Variants in ZNF578 observed in about 807,000 individuals in gnomAD.
ZNF578 encodes zinc finger protein 578, also known as Putative chemokine-related protein B42.
A neutral mutation model predicts 8.3 loss-of-function variants in ZNF578; 8 were observed. The observed-to-expected ratio is 0.96, with a 90% CI of 0.56 to 1.74. The LOEUF is 1.74. Among genes scored for constraint, ZNF578 ranks in the 40% most tolerant of loss-of-function variants. The pLI, the probability that ZNF578 is intolerant of heterozygous loss-of-function variation, is 0.00. For synonymous variants in ZNF578, 206 were observed against 232.2 expected (o/e 0.89, Z 1.03); for missense variants, 726 against 707.5 (o/e 1.03, Z -0.30).
chr19:52,492,321 T>C (rs11084168), intron 3 of ZNF578, among the ~76,000 whole-genome samples: 46,675 of 151,938 alleles, frequency 0.31, 7,218 homozygotes, highest in East Asian at 0.43. Context: ...GGCTTCCGCC[T>C]CGTGCCCGCA....
intron 2 of ZNF578, among the ~76,000 whole-genome samples, chr19:52,477,742 GT>G (rs2059312681): frequency 1.3e-5 from 2 of 152,086 alleles, no homozygotes; most frequent in African/African-American, 4.8e-5. Flanking sequence ...AATTTCCCAA[GT>G]TTTTGTACAT....
At chr19:52,501,698 A>T in intron 3 of ZNF578, 129 bp from the exon 4 acceptor site, 7 of 882,984 alleles carry the variant, frequency 7.9e-6, no homozygotes, top group Non-Finnish European at 1.2e-5. Context: ...TGTCTGCATG[A>T]TCTCTGGTGC....
intron 2 of ZNF578, among the ~76,000 whole-genome samples, chr19:52,487,086 A>G (rs1171450441): frequency 6.6e-6 from 1 of 152,058 alleles, no homozygotes; most frequent in Non-Finnish European, 1.5e-5. Context: ...TAATCTCCAC[A>G]CTTCAGGAGA....
rs1479466080 is a variant in ZNF578 at position 52,513,383 on chromosome 19, A to G, written c.*1229A>G. ...TTTTGAGATAGTACTTTTTAAAGAG[A>G]TAGTACTTTTTTGAGATAGTACTTT... On this transcript the variant is annotated 3_prime_UTR_variant, in exon 6 of 6. Coordinates refer to ENST00000421239, the MANE Select transcript of ZNF578 (RefSeq NM_001099694.2). 3.9e-5 allele frequency among the ~76,000 whole-genome samples: 5 copies of G among 126,666 alleles called. No individual in the cohort carries two copies. In the East Asian group the frequency reaches 1.3e-3, roughly 32 times the overall value. The allele number at this position is 126,666 out of a possible 152,430, so 83.1% of individuals were successfully genotyped here.
rs573939078 is a variant in ZNF578, at chr19:52,463,121, C to T, written c.-122+6163C>T. On this transcript the variant is annotated intron_variant, in intron 2 of 5. Transcript: ENST00000421239. ...TTGCATTTTTAAGGTTCGATTGGCT[C>T]GCTCAACAATCACTTGCCCTTGAGA... Among the ~76,000 whole-genome samples the T allele has an allele frequency of 1.5e-3, 236 of 152,290 alleles. 1 individual carries two copies. The highest frequency in any genetic ancestry group is 2.2e-3 in the Non-Finnish European group (151 of 68,028).
At chr19:52,475,936 T>C (rs1242838645) in intron 2 of ZNF578, among the ~76,000 whole-genome samples, 1 of 152,174 alleles carries the variant, frequency 6.6e-6, no homozygotes, top group Non-Finnish European at 1.5e-5. Context: ...GTAGGAAACA[T>C]ATTCCAAGGC....
chr19:52,477,599 T>TG (rs919465074), intron 2 of ZNF578, among the ~76,000 whole-genome samples: 1 of 149,010 alleles, frequency 6.7e-6, no homozygotes, highest in African/African-American at 2.4e-5. Flanking sequence ...ATTTTAGGGT[T>TG]TTTTTTTTTT....
intron 2 of ZNF578, among the ~76,000 whole-genome samples, chr19:52,483,081 A>G (rs2059332711): frequency 6.6e-6 from 1 of 152,022 alleles, no homozygotes; most frequent in Non-Finnish European, 1.5e-5. Flanking sequence ...AAAAACAGAA[A>G]AAGAAATAGC....
chr19:52,467,584 C>T (rs2059279379), intron 2 of ZNF578, among the ~76,000 whole-genome samples: 1 of 151,610 alleles, frequency 6.6e-6, no homozygotes, highest in Non-Finnish European at 1.5e-5. Context: ...CACTGCATTC[C>T]AGCCTGTGGG....
intron 3 of ZNF578, among the ~76,000 whole-genome samples, chr19:52,496,737 A>C (rs1056141999): frequency 1.1e-4 from 17 of 151,870 alleles, no homozygotes; most frequent in East Asian, 9.8e-4. Flanking sequence ...TCTGGGGTTC[A>C]TGTGATTCTC....
chr19:52,496,143 C>G (rs948854357), intron 3 of ZNF578, among the ~76,000 whole-genome samples: 1 of 151,196 alleles, frequency 6.6e-6, no homozygotes, highest in Non-Finnish European at 1.5e-5. Flanking sequence ...CTCAGCCTCC[C>G]GAGCAGCTGG....
chr19:52,469,817 C>G (rs970045247), intron 2 of ZNF578, among the ~76,000 whole-genome samples: 12 of 152,162 alleles, frequency 7.9e-5, no homozygotes, highest in Non-Finnish European at 1.3e-4. Flanking sequence ...ATATATCATA[C>G]TTAGCCTCAA....
intron 3 of ZNF578, among the ~76,000 whole-genome samples, chr19:52,491,727 A>G (rs2059365620): frequency 6.6e-6 from 1 of 152,154 alleles, no homozygotes. Context: ...ATAAAATAAA[A>G]GAAAAAAGTA....
rs1472312595 is a variant in ZNF578 at position 52,514,814 on chromosome 19, C to T, written c.*2660C>T. Among the ~76,000 whole-genome samples the T allele has an allele frequency of 2.6e-5, 4 of 152,076 alleles. No individual in the cohort carries two copies. Among genetic ancestry groups the T allele is most frequent in the Non-Finnish European group, 5.9e-5 (4 of 68,018 alleles). ...AGGAGCTGGAATTACAGGCACCCAC[C>T]AGCACACCCAGCTAGTTTTTGTATT... On this transcript the variant is annotated 3_prime_UTR_variant, in exon 6 of 6. Transcript: ENST00000421239.
chr19:52,484,459 TATCACATGGGGGAGA>T (rs2059337890), intron 2 of ZNF578, among the ~76,000 whole-genome samples: 1 of 152,106 alleles, frequency 6.6e-6, no homozygotes, highest in African/African-American at 2.4e-5. Context: ...TATTTCAGAA[TATCACATGGGGGAGA>T]AACTTTGGAC....
At chr19:52,486,413 A>G (rs543803684) in intron 2 of ZNF578, among the ~76,000 whole-genome samples, 4 of 152,196 alleles carry the variant, frequency 2.6e-5, no homozygotes, top group Admixed American at 2.0e-4. Flanking sequence ...TTCTTTCTCT[A>G]TACTTTGTCT....
intron 2 of ZNF578, among the ~76,000 whole-genome samples, chr19:52,469,640 C>T (rs2059286102): frequency 6.6e-6 from 1 of 152,160 alleles, no homozygotes; most frequent in South Asian, 2.1e-4. Context: ...ATTTGATACT[C>T]ATGATTCAGT....
chr19:52,468,904 G>T (rs899917850), intron 2 of ZNF578, among the ~76,000 whole-genome samples: 1 of 152,086 alleles, frequency 6.6e-6, no homozygotes, highest in African/African-American at 2.4e-5. Context: ...CAGCTTCCTG[G>T]GATATCTCGA....
intron 2 of ZNF578, among the ~76,000 whole-genome samples, chr19:52,489,325 C>T (rs2059357160): frequency 3.3e-5 from 5 of 152,132 alleles, no homozygotes; most frequent in Admixed American, 3.3e-4. Context: ...TGCTGTGGCT[C>T]ACACTTGTAA....
Sources: gnomAD v4.1 joint callset for allele counts (sites outside exome capture counted in the v4.1 genomes callset) on GRCh38, gnomAD v4.1.1 for gene constraint, MANE v1.5 for transcripts, NCBI Gene and HGNC (gene_info 2026-07-23, HGNC 2026-07-21) for gene names.